Variants in ANK2 observed in about 807,000 individuals in gnomAD.
The protein encoded by ANK2 is ankyrin 2.
Under a neutral mutation model 360.5 loss-of-function variants are expected in ANK2, and 83 were observed. The observed-to-expected ratio is 0.23, with a 90% confidence interval of 0.19 to 0.28. The LOEUF is 0.28. ANK2 is among the 10% of genes least tolerant of loss of function. The probability of loss-of-function intolerance (pLI) is 1.00; values close to 1 mark genes in which losing one functional copy is unlikely to be tolerated. For synonymous variants in ANK2, 1,740 were observed against 1,759.5 expected (o/e 0.99, Z 0.28); for missense variants, 4,201 against 4,795.7 (o/e 0.88, Z 3.66).
chr4:112,710,294 T>C, the ANK2 span, among the ~76,000 whole-genome samples: 1 of 152,226 alleles, frequency 6.6e-6, no homozygotes, highest in Admixed American at 6.5e-5. Flanking sequence ...CCTCTGTTAC[T>C]CCTAGCTATC....
intron 1 of ANK2, among the ~76,000 whole-genome samples, chr4:113,060,185 C>T (rs184367170): frequency 1.2e-3 from 181 of 151,934 alleles, no homozygotes; most frequent in African/African-American, 4.0e-3. Flanking sequence ...CAATCAAACC[C>T]GTTTGAACAC....
intron 42 of ANK2, among the ~76,000 whole-genome samples, chr4:113,368,523 A>G (rs2096616615): frequency 6.6e-6 from 1 of 152,226 alleles, no homozygotes; most frequent in Non-Finnish European, 1.5e-5. Context: ...TTGGCTCAGA[A>G]TTTAAGTTCC....
intron 2 of ANK2, among the ~76,000 whole-genome samples, chr4:112,991,882 C>T (rs750312348): frequency 2.0e-5 from 3 of 151,876 alleles, no homozygotes; most frequent in Non-Finnish European, 4.4e-5. Flanking sequence ...AAAGGATTGC[C>T]TTTCCTCCAG....
In ANK2 at chr4:113,381,737, A is replaced by G. The variant is rs990909706; in HGVS notation, c.*266A>G. ...TGACCTAACTGGCCTAATTAATGGG[A>G]TACCCCGACATTTCCACTGTTAGCA... On this transcript the variant is annotated 3_prime_UTR_variant, in exon 46 of 46. Coordinates refer to ENST00000357077, the MANE Select transcript of ANK2 (RefSeq NM_001148.6). The G allele has an allele frequency of 3.1e-6, 4 of 1,270,988 alleles. No individual in the cohort carries two copies. In the African/African-American group the frequency reaches 4.5e-5, roughly 14 times the overall value. The allele number at this position is 1,270,988 out of a possible 1,614,324, so 78.7% of individuals were successfully genotyped here. A position where few individuals can be genotyped will look rare whatever the true frequency, so the allele number is the denominator to read the frequency against.
intron 4 of ANK2, among the ~76,000 whole-genome samples, chr4:113,214,892 T>C (rs943215650): frequency 1.3e-5 from 2 of 152,210 alleles, no homozygotes; most frequent in Admixed American, 6.5e-5. Context: ...CCCTTTAGAA[T>C]GGTGGATTTG....
chr4:112,933,990 C>G (rs2093502615), intron 2 of ANK2, among the ~76,000 whole-genome samples: 2 of 151,600 alleles, frequency 1.3e-5, no homozygotes, highest in South Asian at 4.1e-4. Flanking sequence ...GAAATGACGT[C>G]ATGTGAGAAT....
chr4:112,780,609 T>C, the ANK2 span, among the ~76,000 whole-genome samples: 1 of 152,196 alleles, frequency 6.6e-6, no homozygotes, highest in Non-Finnish European at 1.5e-5. Flanking sequence ...GCTATGAAGA[T>C]ACTACCGAGA....
chr4:113,311,486 T>C, intron 24 of ANK2, 87 bp downstream of exon 24: 1 of 1,512,842 alleles, frequency 6.6e-7, no homozygotes, highest in Middle Eastern at 2.0e-4. Context: ...GATGCAATTA[T>C]TGAGCATTTA....
rs753525870 is a variant in ANK2 at position 113,059,998 on chromosome 4, T to TC, written c.84+10186_84+10187insC. 8.2e-3 allele frequency among the ~76,000 whole-genome samples: 1,243 copies of TC among 152,250 alleles called. 10 individuals are homozygous for TC. Among genetic ancestry groups the TC allele is most frequent in the South Asian group, 0.017 (82 of 4,822 alleles). On this transcript the variant is annotated intron_variant, in intron 1 of 45. Coordinates refer to ENST00000357077, the MANE Select transcript of ANK2 (RefSeq NM_001148.6). ...CACAGCAAAGCAGAGTACTGCCAGA[T>TC]GTGTGCACACCCAACTACGTTACCA...
chr4:112,845,332 T>TTG (rs2063054922), intron 1 of ANK2, among the ~76,000 whole-genome samples: 2 of 151,778 alleles, frequency 1.3e-5, no homozygotes, highest in South Asian at 4.2e-4. Context: ...GTTTTTTTTT[T>TTG]TGACTTTTCC....
intron 1 of ANK2, among the ~76,000 whole-genome samples, chr4:113,096,824 T>C (rs2091248079): frequency 6.6e-6 from 1 of 152,032 alleles, no homozygotes; most frequent in African/African-American, 2.4e-5. Context: ...AAGTCGATTT[T>C]GCCACAATAC....
chr4:113,206,163 A>G (rs2098944799), intron 4 of ANK2, among the ~76,000 whole-genome samples: 1 of 152,164 alleles, frequency 6.6e-6, no homozygotes. Context: ...AACATGTGCC[A>G]TGGTGGTTTG....
At chr4:112,942,430 A>G (rs994424207) in intron 2 of ANK2, among the ~76,000 whole-genome samples, 1 of 152,046 alleles carries the variant, frequency 6.6e-6, no homozygotes. Flanking sequence ...ATTTAGTTTT[A>G]TGTTTTATAT....
intron 22 of ANK2, among the ~76,000 whole-genome samples, chr4:113,297,713 C>T (rs2072571553): frequency 6.6e-6 from 1 of 151,850 alleles, no homozygotes; most frequent in Non-Finnish European, 1.5e-5. Context: ...AATATCAATA[C>T]CTATTATATT....
rs2095960314 is a variant in ANK2, at chr4:113,358,450, C to T, written c.9832C>T (p.Pro3278Ser). The part of the protein sequence containing the change: ...DRGDDSPDSS[P>S]EEQKSVIEIP... ...GGGTGATGATTCTCCCGATTCTTCC[C>T]CAGAAGAACAGAAATCAGTAATCGA... The change falls in exon 38 of 46, where the codon CCA becomes TCA. Residue 3278 changes from proline (P) to serine (S), a missense_variant. Around this residue, in one of 4 missense-constraint regions of ANK2, gnomAD observed 2,642 missense variants for 2,714.5 expected, o/e 0.97. Transcript: ENST00000357077. 1.2e-6 allele frequency: 2 copies of T among 1,613,892 alleles called. No individual in the cohort carries two copies. Among genetic ancestry groups the T allele is most frequent in the Admixed American group, 1.7e-5 (1 of 59,996 alleles).
chr4:112,835,949 T>C (rs1205457067), intron 1 of ANK2, among the ~76,000 whole-genome samples: 4 of 152,140 alleles, frequency 2.6e-5, no homozygotes, highest in Admixed American at 6.5e-5. Context: ...AATAAATAAA[T>C]AGACCTTAGG....
chr4:112,889,784 G>A (rs2079440765), intron 1 of ANK2, among the ~76,000 whole-genome samples: 1 of 152,136 alleles, frequency 6.6e-6, no homozygotes. Context: ...AATCCATAGG[G>A]AGTTGCGTGA....
At chr4:113,142,742 G>A (rs2096679446) in intron 1 of ANK2, among the ~76,000 whole-genome samples, 1 of 151,986 alleles carries the variant, frequency 6.6e-6, no homozygotes, top group African/African-American at 2.4e-5. Context: ...AGAAAGAGGG[G>A]GGTAGAAGAA....
chr4:113,163,678 C>T (rs559403559), intron 1 of ANK2, among the ~76,000 whole-genome samples: 51 of 145,382 alleles, frequency 3.5e-4, no homozygotes, highest in African/African-American at 1.1e-3. Context: ...GCAGGAGAAT[C>T]GCTTGAACCT....
Sources: gnomAD v4.1 joint callset for allele counts (sites outside exome capture counted in the v4.1 genomes callset) on GRCh38, gnomAD v4.1.1 for gene constraint, gnomAD v4.1.1 regional missense constraint, MANE v1.5 for transcripts, NCBI Gene and HGNC (gene_info 2026-07-23, HGNC 2026-07-21) for gene names.